MANBA: variants seen among roughly 807,000 people sequenced by gnomAD.
MANBA encodes mannosidase beta, also known as beta-mannosidase.
In MANBA, 83 loss-of-function variants were observed where a neutral mutation model predicts 111.1. The ratio of observed to expected loss-of-function variants is 0.75; its 90% CI spans 0.63 to 0.90. The LOEUF (loss-of-function observed/expected upper bound fraction) is 0.90. Ranked by LOEUF, MANBA falls within the 40% of genes least tolerant of loss-of-function variation. MANBA has a pLI of 0.00. For missense variants in MANBA, 1,036 were observed against 1,069.0 expected (o/e 0.97, Z 0.43); for synonymous variants, 370 against 378.7 (o/e 0.98, Z 0.27).
In MANBA at chr4:102,690,479, C is replaced by A. The variant is rs1732422532; in HGVS notation, c.849+117G>T. On this transcript the variant is annotated intron_variant, in intron 6 of 16. Coordinates refer to ENST00000647097, the MANE Select transcript of MANBA (RefSeq NM_005908.4). The stretch of plus-strand genomic sequence containing the variant: ...GAGACTAAAATAGAGAAGAAAATGA[C>A]AAATATAAGCAGAGAAAGTAGAATT... The A allele has an allele frequency of 3.1e-6, 3 of 955,296 alleles. No homozygotes were observed. In the South Asian group the frequency reaches 4.3e-5, roughly 14 times the overall value. 59.2% of individuals were successfully genotyped at this position (955,296 alleles called of 1,614,324 possible). A position where few individuals can be genotyped will look rare whatever the true frequency, so the allele number is the denominator to read the frequency against.
At chr4:102,714,610 T>G in intron 4 of MANBA, 49 bp from the exon 5 acceptor site, 1 of 1,552,836 alleles carries the variant, frequency 6.4e-7, no homozygotes, top group Non-Finnish European at 8.9e-7. Context: ...ATGGTGAAAT[T>G]TAAACATTAT....
rs146073886 is a variant in MANBA, at chr4:102,713,073, C to T, written c.673+1365G>A. Among the ~76,000 whole-genome samples the T allele has an allele frequency of 9.2e-5, 14 of 152,258 alleles. No individual in the cohort carries two copies. The East Asian group carries it at 2.7e-3, about 29-fold the overall frequency. On this transcript the variant is annotated intron_variant, in intron 5 of 16. Transcript: ENST00000647097. ...TAAAGTTTAAAAATACCAACAGCAC[C>T]AAATAACCTCCTCAAATCTAAGCAT...
intron 8 of MANBA, among the ~76,000 whole-genome samples, chr4:102,672,321 T>A (rs1731532326): frequency 6.6e-6 from 1 of 152,252 alleles, no homozygotes; most frequent in Admixed American, 6.5e-5. Flanking sequence ...TAAATAAGTT[T>A]AAATGTGTTT....
intron 7 of MANBA, among the ~76,000 whole-genome samples, chr4:102,674,434 C>T (rs938788980): frequency 1.1e-4 from 16 of 152,148 alleles, no homozygotes; most frequent in Non-Finnish European, 2.1e-4. Context: ...CTTTGAAAAA[C>T]ACATTCTCAT....
In MANBA at chr4:102,649,118, G is replaced by A. The variant is rs141385611; in HGVS notation, c.1869+1419C>T. On this transcript the variant is annotated intron_variant, in intron 13 of 16. Coordinates refer to ENST00000647097, the MANE Select transcript of MANBA (RefSeq NM_005908.4). ...TTTTATTGCTGTGGAGTATTCCACT[G>A]TATGAATATACTACAATTTGTTTAT... Among the ~76,000 whole-genome samples the A allele has an allele frequency of 4.5e-4, 69 of 152,174 alleles. No homozygotes were observed. The East Asian group carries it at 0.011, about 23-fold the overall frequency.
At chr4:102,707,147 A>G in intron 5 of MANBA, among the ~76,000 whole-genome samples, 1 of 152,208 alleles carries the variant, frequency 6.6e-6, no homozygotes. Flanking sequence ...GTCAAAAGTC[A>G]AAGACAAAGA....
At position 102,657,675 on chromosome 4, in the gene MANBA, G is replaced by A; in HGVS notation, c.1704+7C>T. ...CTGAAACATTAGAAAATCAAACGAT[G>A]ACTTACCTTTTCTAATGTACTGAAG... On this transcript the variant is annotated splice_region_variant and intron_variant, in intron 12 of 16. Transcript: ENST00000647097. 6.3e-7 allele frequency: 1 copy of A among 1,586,696 alleles called. No homozygotes were observed. The highest frequency in any genetic ancestry group is 8.7e-7 in the Non-Finnish European group (1 of 1,155,280).
At chr4:102,725,716 C>A (rs1722768235) in intron 2 of MANBA, among the ~76,000 whole-genome samples, 1 of 152,034 alleles carries the variant, frequency 6.6e-6, no homozygotes, top group Non-Finnish European at 1.5e-5. Context: ...TCTTTCCTGG[C>A]ACTCTTCTAG....
At chr4:102,751,664 C>T in intron 1 of MANBA, 1 of 542,418 alleles carries the variant, frequency 1.8e-6, no homozygotes, top group Non-Finnish European at 3.8e-6. Flanking sequence ...ATGTGAAGTA[C>T]ACAGCACCCC....
At chr4:102,676,821 G>A (rs1376544169) in intron 7 of MANBA, among the ~76,000 whole-genome samples, 3 of 152,156 alleles carry the variant, frequency 2.0e-5, no homozygotes, top group Non-Finnish European at 2.9e-5. Context: ...AAAAGCAGTG[G>A]TGGGTTAACA....
In MANBA at chr4:102,634,883, A is replaced by G. The variant is rs142941750; in HGVS notation, c.2320T>C (p.Tyr774His). The G allele has an allele frequency of 9.3e-6, 15 of 1,614,094 alleles. No homozygotes were observed. Among genetic ancestry groups the G allele is most frequent in the Non-Finnish European group, 1.2e-5 (14 of 1,180,018 alleles). ...CTRESCVVSF[Y>H]LSADHELLSP... ...AGGAGTTCATGGTCAGCTGAAAGGTAAAAGGAAACCACACAGCTTTCCCGT... is the reference window on the plus strand; with the variant it reads ...AGGAGTTCATGGTCAGCTGAAAGGTGAAAGGAAACCACACAGCTTTCCCGT... The change falls in exon 16 of 17, where the codon TAC (tyrosine) becomes CAC (histidine). Residue 774 changes from tyrosine to histidine, a missense_variant. Coordinates refer to ENST00000647097, the MANE Select transcript of MANBA (RefSeq NM_005908.4).
At chr4:102,747,617 A>T (rs957091888) in intron 1 of MANBA, among the ~76,000 whole-genome samples, 1 of 152,216 alleles carries the variant, frequency 6.6e-6, no homozygotes, top group Non-Finnish European at 1.5e-5. Context: ...TCCTCTGTCA[A>T]ATAGGATCTT....
chr4:102,697,625 G>C (rs1732787994), intron 5 of MANBA, among the ~76,000 whole-genome samples: 1 of 147,614 alleles, frequency 6.8e-6, no homozygotes, highest in Admixed American at 6.8e-5. Context: ...TTTTGTTCTT[G>C]CGATAGTTTA....
intron 4 of MANBA, among the ~76,000 whole-genome samples, chr4:102,717,957 G>C (rs1722407155): frequency 6.6e-6 from 1 of 152,238 alleles, no homozygotes; most frequent in Non-Finnish European, 1.5e-5. Flanking sequence ...ATTAACTAGA[G>C]GAAGGCAAGT....
At chr4:102,649,505 A>T (rs773751339) in intron 13 of MANBA, among the ~76,000 whole-genome samples, 15 of 152,150 alleles carry the variant, frequency 9.9e-5, no homozygotes, top group Non-Finnish European at 1.9e-4. Context: ...TTGATTTACA[A>T]CAAGATTGGG....
intron 16 of MANBA, 140 bp downstream of exon 16, chr4:102,634,648 G>A: frequency 1.7e-6 from 2 of 1,165,672 alleles, no homozygotes; most frequent in Non-Finnish European, 2.6e-6. Flanking sequence ...AGTGGGAAGA[G>A]GCCAATCTTC....
chr4:102,682,008 A>C (rs1252588594), intron 7 of MANBA, among the ~76,000 whole-genome samples: 2 of 151,898 alleles, frequency 1.3e-5, no homozygotes, highest in African/African-American at 4.8e-5. Context: ...TTAGCCGGGC[A>C]TGGTGGTGCG....
intron 4 of MANBA, among the ~76,000 whole-genome samples, chr4:102,718,252 G>C (rs1236077398): frequency 6.6e-6 from 1 of 152,198 alleles, no homozygotes; most frequent in Non-Finnish European, 1.5e-5. Flanking sequence ...AGTGCGGTGT[G>C]GCGCATACTG....
At chr4:102,679,473 G>A (rs1442474326) in intron 7 of MANBA, 7 of 151,582 alleles carry the variant, frequency 4.6e-5, no homozygotes, top group Non-Finnish European at 1.0e-4. Context: ...ACAAATATTA[G>A]CGTACAAAAA....
Sources: gnomAD v4.1 joint callset for allele counts (sites outside exome capture counted in the v4.1 genomes callset) on GRCh38, gnomAD v4.1.1 for gene constraint, MANE v1.5 for transcripts, NCBI Gene and HGNC (gene_info 2026-07-23, HGNC 2026-07-21) for gene names.